Variants in SCART1 observed in about 807,000 individuals in gnomAD.
SCART1 encodes scavenger receptor cysteine-rich domain-containing protein SCART1.
Under a neutral mutation model 36.2 loss-of-function variants are expected in SCART1, and 62 were observed. The ratio of observed to expected loss-of-function variants is 1.71; its 90% CI spans 1.40 to 2.12. SCART1 has a LOEUF of 2.12. Among genes scored for constraint, SCART1 ranks in the 30% most tolerant of loss-of-function variants. The pLI is 0.00. For missense variants in SCART1, 1,041 were observed against 540.5 expected (o/e 1.93, Z -9.18); for synonymous variants, 487 against 238.7 (o/e 2.04, Z -9.59).
chr10:133,459,000 C>T, intron 4 of SCART1, 21 bp from the exon 5 acceptor site: 1 of 657,512 alleles, frequency 1.5e-6, no homozygotes, highest in East Asian at 2.7e-5. Flanking sequence ...GCAAGCCAGG[C>T]TGACTCCTCC....
rs1480364018 is a variant in SCART1 at position 133,459,017 on chromosome 10, C to A, written c.980-4C>A. Reference sequence around the variant, plus strand: ...AAGCCAGGCTGACTCCTCCTCTCCCCCAGAGTTCAGGATGGTCAACGGCAG... The same window carrying A: ...AAGCCAGGCTGACTCCTCCTCTCCCACAGAGTTCAGGATGGTCAACGGCAG... On this transcript the variant is annotated splice_region_variant and splice_polypyrimidine_tract_variant and intron_variant, in intron 4 of 11. Coordinates refer to ENST00000640237, the Ensembl canonical transcript of SCART1. 1 of 675,026 alleles carries A rather than the reference C, an allele frequency of 1.5e-6. No homozygotes were observed. Among genetic ancestry groups the A allele is most frequent in the East Asian group, 2.7e-5 (1 of 36,872 alleles). The allele number at this position is 675,026 out of a possible 1,614,324, so 41.8% of individuals were successfully genotyped here.
rs55751015 is a variant in SCART1 at position 133,460,471 on chromosome 10, C to CATATATATATAT, written c.1969+308_1969+319dup. Among the ~76,000 whole-genome samples the CATATATATATAT allele has an allele frequency of 1.1e-3, 156 of 136,482 alleles. 6 individuals are homozygous for CATATATATATAT. The highest frequency in any genetic ancestry group is 4.0e-3 in the African/African-American group (142 of 35,508). The allele number at this position is 136,482 out of a possible 152,430, so 89.5% of individuals were successfully genotyped here. On this transcript the variant is annotated intron_variant, in intron 6 of 11. Transcript: ENST00000640237. ...GCGCTTGAAGTTTCCATCCGAAATT[C>CATATATATATAT]ATATATATATATATATATTTATATA...
intron 10 of SCART1, 104 bp from the exon 11 acceptor site, chr10:133,467,094 C>G (rs917095830): frequency 3.9e-5 from 22 of 570,036 alleles, no homozygotes; most frequent in Non-Finnish European, 6.0e-5. Context: ...CATCCTGCCT[C>G]TTTGCTGCCT....
intron 2 of SCART1, 119 bp downstream of exon 2, chr10:133,456,673 G>A: frequency 1.7e-6 from 1 of 592,320 alleles, no homozygotes; most frequent in Non-Finnish European, 3.0e-6. Flanking sequence ...GAGACGGGCG[G>A]GGAGGCTGTG....
intron 3 of SCART1, 24 bp from the exon 4 acceptor site, chr10:133,458,336 G>C (rs1398623200): frequency 1.4e-6 from 1 of 702,406 alleles, no homozygotes; most frequent in Non-Finnish European, 2.6e-6. Context: ...CCTGTCTCCT[G>C]CCTGAGAGGA....
At position 133,454,129 on chromosome 10, in the gene SCART1, C is replaced by T; in HGVS notation, c.67+65C>T. On this transcript the variant is annotated intron_variant, in intron 1 of 11. Coordinates refer to ENST00000640237, the Ensembl canonical transcript of SCART1. ...GCATCAGCTCTGTTGATGCCCAGGC[C>T]CCGGGGCATGAGGGTCCCTGCAGTG... is the stretch of plus-strand genomic sequence containing the variant. 3 of 701,650 alleles carry T rather than the reference C, an allele frequency of 4.3e-6. No individual in the cohort carries two copies. In the South Asian group the frequency reaches 4.4e-5, roughly 10 times the overall value. 43.5% of individuals were successfully genotyped at this position (701,650 alleles called of 1,614,324 possible).
exon 7 of SCART1, chr10:133,464,840 C>T (rs1850744416): frequency 5.7e-6 from 4 of 702,790 alleles, no homozygotes; most frequent in Non-Finnish European, 1.0e-5. Flanking sequence ...GTGCCGCAGG[C>T]TGCCCAACTC....
At chr10:133,457,500 A>ATCCGCAGCTGCAGACTGGACAACAACT (rs1426587180) in exon 3 of SCART1, 3 of 702,574 alleles carry the variant, frequency 4.3e-6, no homozygotes, top group African/African-American at 3.5e-5. Flanking sequence ...CGAGCCCACC[A>ATCCGCAGCTGCAGACTGGACAACAACT]TCCGCAGCTG....
Position 133,457,897 on chromosome 10 carries a change from C to T in SCART1, c.682+322C>T, listed in dbSNP as rs562791596. On this transcript the variant is annotated intron_variant, in intron 3 of 11. Coordinates refer to ENST00000640237, the Ensembl canonical transcript of SCART1. Reference sequence around the variant, plus strand: ...ATGGATCGGGGTTGGGTAGAGGTCACTTCTTCCCAGCCCTGCCTCAACTGT... The same window carrying T: ...ATGGATCGGGGTTGGGTAGAGGTCATTTCTTCCCAGCCCTGCCTCAACTGT... The T allele has an allele frequency of 9.6e-6, 5 of 521,080 alleles. No individual in the cohort carries two copies. The South Asian group carries it at 1.1e-4, about 12-fold the overall frequency. 32.3% of individuals were successfully genotyped at this position (521,080 alleles called of 1,614,324 possible).
At chr10:133,459,802 C>T (rs1444304271) in exon 6 of SCART1, 9 of 648,654 alleles carry the variant, frequency 1.4e-5, no homozygotes, top group Admixed American at 4.6e-5. Flanking sequence ...GTGGTGTGCT[C>T]CGGTGAGGTC....
At chr10:133,464,744 G>C (rs750647791) in exon 7 of SCART1, 6 of 536,656 alleles carry the variant, frequency 1.1e-5, no homozygotes, top group Non-Finnish European at 1.5e-5. Flanking sequence ...AAGCAGCTGG[G>C]GTGTGGGGTG....
chr10:133,460,180 C>T lies in SCART1; in HGVS notation c.1969+10C>T, dbSNP rs1442292089. 8.9e-5 allele frequency: 43 copies of T among 485,226 alleles called. No homozygotes were observed. The highest frequency in any genetic ancestry group is 7.4e-4 in the East Asian group (21 of 28,544). 30.1% of individuals were successfully genotyped at this position (485,226 alleles called of 1,614,324 possible). ...GGCGTCTTCTGCTCAGGTGAGCGGC[C>T]GTTGGGTATGGAATGATCATGCTGT... On this transcript the variant is annotated intron_variant, in intron 6 of 11. Coordinates refer to ENST00000640237, the Ensembl canonical transcript of SCART1.
exon 7 of SCART1, chr10:133,464,849 T>C (rs2133558272): frequency 1.4e-6 from 1 of 702,834 alleles, no homozygotes; most frequent in Admixed American, 2.0e-5. Flanking sequence ...GCTGCCCAAC[T>C]CCACTCTGTG....
At chr10:133,457,068 G>A (rs369483595) in intron 2 of SCART1, 20 of 581,182 alleles carry the variant, frequency 3.4e-5, no homozygotes, top group African/African-American at 1.9e-4. Flanking sequence ...CGGATCCTGC[G>A]GGGAACCTTG....
intron 10 of SCART1, 149 bp from the exon 11 acceptor site, chr10:133,467,049 C>T (rs1025350944): frequency 2.4e-5 from 13 of 544,782 alleles, no homozygotes; most frequent in African/African-American, 1.7e-4. Flanking sequence ...GGGAGTCTGG[C>T]TATGTTGCCG....
intron 6 of SCART1, among the ~76,000 whole-genome samples, chr10:133,462,260 C>T (rs1055804217): frequency 1.3e-5 from 2 of 152,210 alleles, no homozygotes; most frequent in African/African-American, 2.4e-5. Context: ...CCTGTGCATA[C>T]GTCCAGGGTA....
exon 1 of SCART1, chr10:133,454,023 G>A: frequency 1.4e-6 from 1 of 702,982 alleles, no homozygotes; most frequent in Non-Finnish European, 2.6e-6. Context: ...TGGACCCTGG[G>A]ACTCGGGCCC....
At chr10:133,457,881 G>A in intron 3 of SCART1, 1 of 534,796 alleles carries the variant, frequency 1.9e-6, no homozygotes, top group Non-Finnish European at 3.3e-6. Flanking sequence ...CATGGATCGG[G>A]GTTGGGTAGA....
At chr10:133,466,251 C>G (rs1850764763) in exon 10 of SCART1, 2 of 702,778 alleles carry the variant, frequency 2.8e-6, no homozygotes. Flanking sequence ...GCCCAGGCCC[C>G]CCACTGCCTG....
Sources: gnomAD v4.1 joint callset for allele counts (sites outside exome capture counted in the v4.1 genomes callset) on GRCh38, gnomAD v4.1.1 for gene constraint, MANE v1.5 for transcripts, NCBI Gene and HGNC (gene_info 2026-07-23, HGNC 2026-07-21) for gene names.